The following BIRC6 variants were observed in gnomAD, a reference collection of about 807,000 sequenced individuals.
The protein encoded by BIRC6 is dual E2 ubiquitin-conjugating enzyme/E3 ubiquitin-protein ligase BIRC6.
In BIRC6, 98 loss-of-function variants were observed where a neutral mutation model predicts 503.3. That is an observed-to-expected ratio of 0.19 (90% CI 0.17 to 0.23). BIRC6 has a LOEUF of 0.23. Among genes scored for constraint, BIRC6 ranks in the 10% least tolerant of loss-of-function variants. BIRC6 has a pLI of 1.00. For missense variants in BIRC6, 5,360 were observed against 5,806.0 expected (o/e 0.92, Z 2.50); for synonymous variants, 2,240 against 2,078.7 (o/e 1.08, Z -2.11).
chr2:32,368,130 T>G (rs1433466226), intron 1 of BIRC6, among the ~76,000 whole-genome samples: 1 of 152,134 alleles, frequency 6.6e-6, no homozygotes, highest in Non-Finnish European at 1.5e-5. Context: ...ATACCTCGCT[T>G]GGGCCCCAGT....
chr2:32,543,017 C>T (rs185486223), intron 61 of BIRC6, among the ~76,000 whole-genome samples: 2 of 152,224 alleles, frequency 1.3e-5, no homozygotes, highest in Admixed American at 1.3e-4. Context: ...CCAGGCTGGT[C>T]TCGAGTTCCT....
In BIRC6 at chr2:32,611,529, A is replaced by G; in HGVS notation, c.14341A>G (p.Ser4781Gly). 2 of 1,606,352 alleles carry G rather than the reference A, an allele frequency of 1.2e-6. No homozygotes were observed. Among genetic ancestry groups the G allele is most frequent in the Non-Finnish European group, 1.7e-6 (2 of 1,175,342 alleles). Residue 4781 changes from serine (S) to glycine (G), a missense_variant, in exon 73 of 74, where the codon AGC becomes GGC. Around this residue, in one of 16 missense-constraint regions of BIRC6, gnomAD observed 140 missense variants for 130.2 expected, o/e 1.07. Coordinates refer to ENST00000421745, the MANE Select transcript of BIRC6 (RefSeq NM_016252.4). ...GTGGATTGCGGATATCCAGCAGTACAGCAGTGATAAGCGGGTAGGCAGGAC... is the reference window on the plus strand; with the variant it reads ...GTGGATTGCGGATATCCAGCAGTACGGCAGTGATAAGCGGGTAGGCAGGAC... Reference protein sequence around the residue: ...EEWIADIQQYSSDKRVGRTMS... With the variant: ...EEWIADIQQYGSDKRVGRTMS...
intron 9 of BIRC6, among the ~76,000 whole-genome samples, chr2:32,411,624 T>A (rs965408824): frequency 6.6e-6 from 1 of 151,616 alleles, no homozygotes; most frequent in Non-Finnish European, 1.5e-5. Flanking sequence ...ACTACAGGCA[T>A]GTACCACCAT....
chr2:32,607,107 T>C (rs1290516520), intron 71 of BIRC6, among the ~76,000 whole-genome samples: 1 of 148,192 alleles, frequency 6.7e-6, no homozygotes, highest in Admixed American at 6.7e-5. Context: ...ATAAAACAAC[T>C]AAAAAAAAAA....
At chr2:32,417,903 C>T (rs1330806017) in intron 10 of BIRC6, among the ~76,000 whole-genome samples, 2 of 152,288 alleles carry the variant, frequency 1.3e-5, no homozygotes, top group Middle Eastern at 3.4e-3. Context: ...CCTTAGCCTC[C>T]TGAGTAGCTG....
intron 3 of BIRC6, among the ~76,000 whole-genome samples, chr2:32,385,724 T>C (rs141076633): frequency 6.6e-6 from 1 of 152,218 alleles, no homozygotes; most frequent in African/African-American, 2.4e-5. Context: ...AGTCTGGTCT[T>C]GTTGCAGAGT....
chr2:32,446,324 A>G (rs2045941013), intron 21 of BIRC6, among the ~76,000 whole-genome samples: 2 of 152,198 alleles, frequency 1.3e-5, no homozygotes, highest in Admixed American at 1.3e-4. Flanking sequence ...TTGTCCCATA[A>G]CTAGTATTCT....
At chr2:32,418,184 TTAGAC>T (rs1360859502) in intron 10 of BIRC6, among the ~76,000 whole-genome samples, 1 of 152,218 alleles carries the variant, frequency 6.6e-6, no homozygotes, top group Non-Finnish European at 1.5e-5. Context: ...TCTAGTAACT[TTAGAC>T]TAATGAAACT....
chr2:32,404,319 A>T (rs1293370838), intron 8 of BIRC6, among the ~76,000 whole-genome samples: 1 of 150,826 alleles, frequency 6.6e-6, no homozygotes, highest in Non-Finnish European at 1.5e-5. Context: ...TATTCATATA[A>T]TTTTTTTTCT....
At chr2:32,562,315 A>G (rs1349797314) in intron 65 of BIRC6, among the ~76,000 whole-genome samples, 8 of 152,158 alleles carry the variant, frequency 5.3e-5, no homozygotes, top group Non-Finnish European at 8.8e-5. Context: ...ATTGCTGTTG[A>G]GTATTTTTAG....
chr2:32,556,938 C>CA (rs1186259047), intron 65 of BIRC6, among the ~76,000 whole-genome samples: 20 of 20,254 alleles, frequency 9.9e-4, no homozygotes, highest in African/African-American at 3.2e-3. Flanking sequence ...GACTCCATCT[C>CA]AAAAAACAAA....
At chr2:32,511,625 C>T (rs1385794990) in intron 53 of BIRC6, among the ~76,000 whole-genome samples, 7 of 151,534 alleles carry the variant, frequency 4.6e-5, no homozygotes, top group Admixed American at 2.6e-4. Context: ...CCACCGCACC[C>T]GGCCAACTTG....
At position 32,439,572 on chromosome 2, in the gene BIRC6, A is replaced by C. The variant is rs1436702931; in HGVS notation, c.3696A>C (p.Thr1232=). The change falls in exon 16 of 74, where the codon ACA becomes ACC. Residue 1232 remains threonine (T), a synonymous_variant. Coordinates refer to ENST00000421745, the MANE Select transcript of BIRC6 (RefSeq NM_016252.4). ...IHVKAVNERG[T]EEICNGGMRP... ...TCAAGGCAGTGAATGAAAGAGGAAC[A>C]GAAGAGATTTGTAATGGTGGTATGC... 11 of 1,613,954 alleles carry C rather than the reference A, an allele frequency of 6.8e-6. No individual in the cohort carries two copies. The highest frequency in any genetic ancestry group is 1.7e-5 in the Admixed American group (1 of 60,014).
chr2:32,495,797 T>G (rs1157310177), intron 45 of BIRC6, among the ~76,000 whole-genome samples: 4 of 149,632 alleles, frequency 2.7e-5, no homozygotes, highest in African/African-American at 9.8e-5. Flanking sequence ...GAAGTTTTTT[T>G]TTTTTTTTTT....
intron 33 of BIRC6, among the ~76,000 whole-genome samples, chr2:32,475,923 C>G (rs2049710901): frequency 6.6e-6 from 1 of 151,856 alleles, no homozygotes; most frequent in East Asian, 1.9e-4. Flanking sequence ...ATTTTTTTCT[C>G]TCTATTAAAA....
chr2:32,380,096 TTTG>T (rs897679697), intron 2 of BIRC6, 54 bp from the exon 3 acceptor site: 9 of 1,239,928 alleles, frequency 7.3e-6, no homozygotes, highest in African/African-American at 6.1e-5. Context: ...AATTTAATTT[TTTG>T]TTGTTCTTGT....
intron 64 of BIRC6, chr2:32,548,657 C>G (rs1486907882): frequency 6.6e-6 from 1 of 152,092 alleles, no homozygotes; most frequent in African/African-American, 2.4e-5. Flanking sequence ...TGGCACATGC[C>G]TGTAATCCCA....
chr2:32,552,614 C>T (rs879499014), intron 65 of BIRC6, among the ~76,000 whole-genome samples: 1 of 152,154 alleles, frequency 6.6e-6, no homozygotes, highest in East Asian at 1.9e-4. Flanking sequence ...GTAACTGAGA[C>T]ACCGATCCTA....
intron 57 of BIRC6, among the ~76,000 whole-genome samples, chr2:32,524,559 A>G (rs565099769): frequency 6.6e-6 from 1 of 152,224 alleles, no homozygotes; most frequent in Non-Finnish European, 1.5e-5. Flanking sequence ...GTTGCCAAGC[A>G]CATTGAACTA....
Sources: gnomAD v4.1 joint callset for allele counts (sites outside exome capture counted in the v4.1 genomes callset) on GRCh38, gnomAD v4.1.1 for gene constraint, gnomAD v4.1.1 regional missense constraint, MANE v1.5 for transcripts, NCBI Gene and HGNC (gene_info 2026-07-23, HGNC 2026-07-21) for gene names.